The following PRKCE variants were observed in gnomAD, a reference collection of about 807,000 sequenced individuals.
PRKCE encodes the protein protein kinase C epsilon type.
PRKCE carries 16 observed loss-of-function variants against 85.4 expected under a neutral mutation model. The observed-to-expected ratio is 0.19, with a 90% CI of 0.13 to 0.28. The LOEUF (loss-of-function observed/expected upper bound fraction) is 0.28. Ranked by LOEUF, PRKCE falls within the 10% of genes least tolerant of loss-of-function variation. The pLI is 1.00. For missense variants in PRKCE, 573 were observed against 975.2 expected (o/e 0.59, Z 5.49); for synonymous variants, 388 against 371.5 (o/e 1.04, Z -0.51).
At chr2:46,031,357 C>A (rs1363476040) in intron 10 of PRKCE, among the ~76,000 whole-genome samples, 1 of 152,204 alleles carries the variant, frequency 6.6e-6, no homozygotes, top group Non-Finnish European at 1.5e-5. Flanking sequence ...ATGCCCCAGC[C>A]ATGCCCCTTG....
At chr2:45,659,722 A>T (rs532585859) in intron 1 of PRKCE, among the ~76,000 whole-genome samples, 302 of 152,112 alleles carry the variant, frequency 2.0e-3, no homozygotes, top group African/African-American at 7.1e-3. Flanking sequence ...CTTTTCCCAG[A>T]TATCCACATG....
upstream of PRKCE, chr2:45,651,609 G>A (rs971806465): frequency 6.3e-6 from 1 of 158,656 alleles, no homozygotes; most frequent in Non-Finnish European, 1.4e-5. Flanking sequence ...GAGGATCCGG[G>A]TTGAAATCTG....
chr2:46,125,856 G>A (rs1253910083), intron 11 of PRKCE, among the ~76,000 whole-genome samples: 1 of 152,224 alleles, frequency 6.6e-6, no homozygotes, highest in Non-Finnish European at 1.5e-5. Context: ...TACTGCCAGA[G>A]CAGAATGGAG....
chr2:45,671,584 C>G (rs1050522522), intron 1 of PRKCE, among the ~76,000 whole-genome samples: 3 of 152,168 alleles, frequency 2.0e-5, no homozygotes, highest in African/African-American at 7.2e-5. Flanking sequence ...TCCCCTCTGC[C>G]TCCCCCCACC....
intron 2 of PRKCE, among the ~76,000 whole-genome samples, chr2:45,910,481 C>T (rs1159008558): frequency 2.0e-5 from 3 of 152,152 alleles, no homozygotes; most frequent in Non-Finnish European, 1.5e-5. Context: ...AAAGGATAAC[C>T]TGGGAGCACC....
intron 1 of PRKCE, among the ~76,000 whole-genome samples, chr2:45,822,952 A>G (rs1314909187): frequency 6.6e-6 from 1 of 152,152 alleles, no homozygotes; most frequent in African/African-American, 2.4e-5. Flanking sequence ...TAAGTGATGG[A>G]TCTATTTCAT....
intron 1 of PRKCE, among the ~76,000 whole-genome samples, chr2:45,788,084 C>G (rs1013920588): frequency 6.6e-6 from 1 of 152,174 alleles, no homozygotes; most frequent in Non-Finnish European, 1.5e-5. Context: ...CTGAGAGGGA[C>G]AGGATTTCTT....
chr2:45,806,392 T>G (rs1018607665), intron 1 of PRKCE, among the ~76,000 whole-genome samples: 18 of 152,232 alleles, frequency 1.2e-4, no homozygotes, highest in Non-Finnish European at 2.2e-4. Flanking sequence ...CATTTATTCA[T>G]TTGTTTAATT....
At chr2:45,923,963 T>TGAGGA (rs1698433440) in intron 2 of PRKCE, among the ~76,000 whole-genome samples, 2 of 152,190 alleles carry the variant, frequency 1.3e-5, no homozygotes. Context: ...TTGGAAGTTT[T>TGAGGA]GAGGAGAGAG....
intron 2 of PRKCE, among the ~76,000 whole-genome samples, chr2:45,968,196 A>G (rs746446388): frequency 9.2e-5 from 14 of 152,216 alleles, no homozygotes; most frequent in Non-Finnish European, 1.6e-4. Context: ...AACTGCAAAG[A>G]TATGGAATCA....
At chr2:45,958,398 A>G (rs1207267843) in intron 2 of PRKCE, among the ~76,000 whole-genome samples, 1 of 150,176 alleles carries the variant, frequency 6.7e-6, no homozygotes, top group Non-Finnish European at 1.5e-5. Context: ...AGTCCCAGCT[A>G]TTTGGGAGGT....
At chr2:46,033,381 A>C (rs941151653) in intron 10 of PRKCE, among the ~76,000 whole-genome samples, 1 of 152,186 alleles carries the variant, frequency 6.6e-6, no homozygotes, top group South Asian at 2.1e-4. Flanking sequence ...GCCCTTGGAC[A>C]TGGATCTTGC....
intron 10 of PRKCE, among the ~76,000 whole-genome samples, chr2:46,014,704 T>C (rs963685200): frequency 6.6e-6 from 1 of 152,194 alleles, no homozygotes; most frequent in Non-Finnish European, 1.5e-5. Flanking sequence ...AGCTAAAAGA[T>C]ACCAACTCTG....
At chr2:45,957,295 T>A (rs1421783838) in intron 2 of PRKCE, among the ~76,000 whole-genome samples, 2 of 152,272 alleles carry the variant, frequency 1.3e-5, no homozygotes, top group Non-Finnish European at 2.9e-5. Flanking sequence ...AGTTCATTTT[T>A]GTAGAAGATA....
chr2:45,956,873 G>A (rs1250849948), intron 2 of PRKCE, among the ~76,000 whole-genome samples: 1 of 152,056 alleles, frequency 6.6e-6, no homozygotes, highest in Admixed American at 6.5e-5. Flanking sequence ...TTTCACTGTC[G>A]TTTTAATTTG....
rs779263914 is a variant in PRKCE at position 46,159,770 on chromosome 2, C to T, written c.2067+18C>T. 40 of 1,598,414 alleles carry T rather than the reference C, an allele frequency of 2.5e-5. No homozygotes were observed. The highest frequency in any genetic ancestry group is 3.4e-5 in the Non-Finnish European group (40 of 1,179,576). On this transcript the variant is annotated intron_variant, in intron 14 of 14. Coordinates refer to ENST00000306156, the MANE Select transcript of PRKCE (RefSeq NM_005400.3). This position sits in a 1 kb window ranked among gnomAD's most constrained non-coding sequence, Gnocchi z 4.1. ...CACGCATTGTAAGTTGGTCCCCGTG[C>T]ACGTTCAGCACCATGGGTCGGGCCC...
intron 11 of PRKCE, among the ~76,000 whole-genome samples, chr2:46,111,493 G>A (rs1466043999): frequency 6.6e-6 from 1 of 152,062 alleles, no homozygotes; most frequent in Non-Finnish European, 1.5e-5. Context: ...TCATCCCCTA[G>A]TCCTTCCATC....
intron 2 of PRKCE, among the ~76,000 whole-genome samples, chr2:45,938,109 T>A (rs1049516686): frequency 6.6e-6 from 1 of 152,196 alleles, no homozygotes; most frequent in African/African-American, 2.4e-5. Flanking sequence ...CAGGAGCCAG[T>A]GTTAGCCCAG....
chr2:45,996,147 A>G (rs971559349), intron 6 of PRKCE, among the ~76,000 whole-genome samples: 1 of 152,042 alleles, frequency 6.6e-6, no homozygotes, highest in African/African-American at 2.4e-5. Context: ...TTTTATTTTT[A>G]AATTCCATTT....
Sources: allele counts gnomAD v4.1 joint callset (sites outside exome capture counted in the v4.1 genomes callset), GRCh38; gene constraint gnomAD v4.1.1; non-coding constraint Gnocchi (gnomAD v3.1); transcripts MANE v1.5; gene names NCBI Gene and HGNC (gene_info 2026-07-23, HGNC 2026-07-21).